Variants in SYNE2 observed in about 807,000 individuals in gnomAD.
The protein encoded by SYNE2 is nesprin-2.
SYNE2 carries 431 observed loss-of-function variants against 856.3 expected under a neutral mutation model. The ratio of observed to expected loss-of-function variants is 0.50; its 90% confidence interval spans 0.47 to 0.55. The LOEUF is 0.55. SYNE2 is among the 20% of genes least tolerant of loss of function. The probability of loss-of-function intolerance (pLI) is 0.00; values close to 1 mark genes in which losing one functional copy is unlikely to be tolerated. For missense variants in SYNE2, 8,129 were observed against 8,023.2 expected (o/e 1.01, Z -0.50); for synonymous variants, 2,923 against 2,872.3 (o/e 1.02, Z -0.56).
At chr14:64,039,198 T>C (rs2097128158) in intron 45 of SYNE2, among the ~76,000 whole-genome samples, 1 of 152,222 alleles carries the variant, frequency 6.6e-6, no homozygotes, top group Non-Finnish European at 1.5e-5. Context: ...AATACATCCT[T>C]TAGAGCTGGT....
chr14:63,903,628 A>G (rs2095367132), intron 1 of SYNE2, among the ~76,000 whole-genome samples: 3 of 152,220 alleles, frequency 2.0e-5, no homozygotes, highest in African/African-American at 7.2e-5. Context: ...GTCTTTTCCT[A>G]CATCTTTAAT....
chr14:64,068,183 A>G (rs890591812), intron 51 of SYNE2, among the ~76,000 whole-genome samples: 3 of 152,142 alleles, frequency 2.0e-5, no homozygotes, highest in South Asian at 4.2e-4. Context: ...AGTGTAAAAT[A>G]TGTTGTTCTG....
intron 91 of SYNE2, 51 bp downstream of exon 91, chr14:64,167,438 C>T (rs1469631523): frequency 6.2e-7 from 1 of 1,614,226 alleles, no homozygotes; most frequent in South Asian, 1.1e-5. Context: ...AAATTAACGG[C>T]TTCAGCTCGG....
intron 21 of SYNE2, among the ~76,000 whole-genome samples, chr14:63,991,523 A>C (rs1053502586): frequency 1.3e-5 from 2 of 152,210 alleles, no homozygotes; most frequent in Non-Finnish European, 1.5e-5. Flanking sequence ...TGTAAAAAAA[A>C]CCATTATTAT....
chr14:64,123,727 A>G (rs2153669014), intron 70 of SYNE2, among the ~76,000 whole-genome samples: 1 of 152,334 alleles, frequency 6.6e-6, no homozygotes, highest in South Asian at 2.1e-4. Flanking sequence ...CTTTTCAATA[A>G]CAAATCAAGA....
intron 1 of SYNE2, among the ~76,000 whole-genome samples, chr14:63,861,643 G>A (rs1171292920): frequency 6.6e-6 from 1 of 151,878 alleles, no homozygotes; most frequent in Non-Finnish European, 1.5e-5. Flanking sequence ...AAAATTAGCT[G>A]GGCTATGGTG....
chr14:63,851,114 G>C (rs1294253683), upstream of SYNE2, among the ~76,000 whole-genome samples: 1 of 152,160 alleles, frequency 6.6e-6, no homozygotes, highest in African/African-American at 2.4e-5. Flanking sequence ...TGTAATCCCA[G>C]CGCTTGGGGA....
intron 66 of SYNE2, among the ~76,000 whole-genome samples, chr14:64,116,068 G>A (rs939214216): frequency 6.6e-6 from 1 of 152,122 alleles, no homozygotes; most frequent in Non-Finnish European, 1.5e-5. Flanking sequence ...CTACCTGGGA[G>A]GCTGAGGCAC....
chr14:63,842,377 C>G (rs951192367), intron 1 of SYNE2, among the ~76,000 whole-genome samples: 2 of 151,776 alleles, frequency 1.3e-5, no homozygotes, highest in African/African-American at 4.8e-5. Flanking sequence ...GTCTCAAACT[C>G]CTGGCCTCAA....
rs2097997249 is a variant in SYNE2, at chr14:64,129,968, C to G, written c.14139+67C>G. ...GAGGAGCCAGATCCTTTTCTTCCAC[C>G]AGCAGAGTTTAGATTTGTCTTTCAG... On this transcript the variant is annotated intron_variant, in intron 75 of 115. Transcript: ENST00000555002. The G allele has an allele frequency of 2.5e-6, 4 of 1,613,658 alleles. No homozygotes were observed. The East Asian group carries it at 8.9e-5, about 36-fold the overall frequency.
rs373470683 is a variant in SYNE2, at chr14:64,217,679, G to A, written c.19543-719G>A. On this transcript the variant is annotated intron_variant, in intron 108 of 115. Transcript: ENST00000555002. ...TGACGCCTGTGTTCCTCACCTGGCC[G>A]GTTTCAAAATCTCAACCCTTTTGTT... 1.4e-4 allele frequency among the ~76,000 whole-genome samples: 21 copies of A among 152,250 alleles called. No homozygotes were observed. The East Asian group carries it at 3.9e-3, about 28-fold the overall frequency.
chr14:64,221,292 A>G (rs1329775355), intron 111 of SYNE2, among the ~76,000 whole-genome samples: 1 of 152,152 alleles, frequency 6.6e-6, no homozygotes, highest in African/African-American at 2.4e-5. Context: ...TGGCTGAGGA[A>G]TGCGTGTGGC....
At chr14:63,952,833 G>A (rs2096184418) in intron 7 of SYNE2, among the ~76,000 whole-genome samples, 1 of 152,138 alleles carries the variant, frequency 6.6e-6, no homozygotes, top group South Asian at 2.1e-4. Flanking sequence ...ACTATTTCCT[G>A]AGTAGCTTTT....
intron 1 of SYNE2, among the ~76,000 whole-genome samples, chr14:63,880,940 G>A (rs757560489): frequency 8.6e-5 from 13 of 151,602 alleles, no homozygotes; most frequent in Non-Finnish European, 1.6e-4. Flanking sequence ...TCTCTCTCCC[G>A]AGTTCAAGCA....
chr14:64,045,931 C>T (rs2153568758), intron 45 of SYNE2, among the ~76,000 whole-genome samples: 1 of 152,302 alleles, frequency 6.6e-6, no homozygotes, highest in East Asian at 1.9e-4. Flanking sequence ...CTATTGTTAA[C>T]ATCTTACATT....
chr14:63,771,909 C>T (rs577099206), intron 1 of SYNE2, among the ~76,000 whole-genome samples: 5 of 150,128 alleles, frequency 3.3e-5, no homozygotes, highest in Non-Finnish European at 5.9e-5. Flanking sequence ...AAAGCAAAAA[C>T]AAAAACAAAA....
At chr14:64,050,654 T>C (rs2097218698) in intron 47 of SYNE2, among the ~76,000 whole-genome samples, 4 of 152,190 alleles carry the variant, frequency 2.6e-5, no homozygotes, top group African/African-American at 9.7e-5. Context: ...TGCACTTCTT[T>C]TGGCTTTGAA....
At chr14:64,150,007 CTTTTTTTTTTTT>C (rs755126549) in intron 84 of SYNE2, among the ~76,000 whole-genome samples, 1 of 94,418 alleles carries the variant, frequency 1.1e-5, no homozygotes, top group African/African-American at 4.2e-5. Context: ...TTTTTCTTTT[CTTTTTTTTTTTT>C]TTTTTTTTTT....
At chr14:64,092,356 G>T (rs1230230875) in intron 60 of SYNE2, among the ~76,000 whole-genome samples, 1 of 152,196 alleles carries the variant, frequency 6.6e-6, no homozygotes. Flanking sequence ...AAGGAAGACA[G>T]TGGTGAAGAC....
Sources: allele counts gnomAD v4.1 joint callset (sites outside exome capture counted in the v4.1 genomes callset), GRCh38; gene constraint gnomAD v4.1.1; transcripts MANE v1.5; gene names NCBI Gene and HGNC (gene_info 2026-07-23, HGNC 2026-07-21).